The following IPPK variants were observed in gnomAD, a reference collection of about 807,000 sequenced individuals.
IPPK encodes inositol-pentakisphosphate 2-kinase, also known as IPK1 homolog.
A neutral mutation model predicts 64.6 loss-of-function variants in IPPK; 22 were observed. The ratio of observed to expected loss-of-function variants is 0.34; its 90% confidence interval spans 0.24 to 0.49. The LOEUF is 0.49. IPPK is among the 20% of genes least tolerant of loss of function. IPPK has a pLI of 0.99. For synonymous variants in IPPK, 262 were observed against 247.2 expected (o/e 1.06, Z -0.56); for missense variants, 532 against 630.7 (o/e 0.84, Z 1.68).
chr9:92,626,457 G>T (rs1851735582), intron 11 of IPPK, among the ~76,000 whole-genome samples: 1 of 152,212 alleles, frequency 6.6e-6, no homozygotes, highest in South Asian at 2.1e-4. Context: ...TGGCAGATTA[G>T]ACACAGCTGA....
chr9:92,657,030 G>T (rs1852386605), intron 2 of IPPK, among the ~76,000 whole-genome samples: 1 of 152,146 alleles, frequency 6.6e-6, no homozygotes, highest in East Asian at 1.9e-4. Context: ...CAATGGCCCA[G>T]TACAGCTGTG....
chr9:92,619,657 G>T, intron 11 of IPPK, 92 bp from the exon 12 acceptor site: 1 of 1,134,824 alleles, frequency 8.8e-7, no homozygotes. Flanking sequence ...TGTGGGAACT[G>T]CTTCCTGCCT....
At chr9:92,665,843 G>T (rs182931619) in intron 1 of IPPK, among the ~76,000 whole-genome samples, 2 of 152,062 alleles carry the variant, frequency 1.3e-5, no homozygotes, top group Non-Finnish European at 2.9e-5. Flanking sequence ...TATGATCTAT[G>T]AACCAGAAAT....
In IPPK at chr9:92,638,250, C is replaced by A. The variant is rs1851982545; in HGVS notation, c.667G>T (p.Ala223Ser). The change falls in exon 9 of 13, where the codon GCC becomes TCC. Residue 223 changes from alanine (A) to serine (S), a missense_variant. Physicochemically the swap from Ala to Ser is moderately conservative, Grantham distance 99. Coordinates refer to ENST00000287996, the MANE Select transcript of IPPK (RefSeq NM_022755.6). ...CTCCAGTCAGCCACGGGGCTCCGGGCATCTTTGCAGCCGTAAATCAGCTCA... is the reference window on the plus strand; with the variant it reads ...CTCCAGTCAGCCACGGGGCTCCGGGAATCTTTGCAGCCGTAAATCAGCTCA... ...NGELIYGCKD[A>S]RSPVADWSEL... 1.9e-6 allele frequency: 3 copies of A among 1,614,014 alleles called. No homozygotes were observed. In the African/African-American group the frequency reaches 4.0e-5, roughly 22 times the overall value.
Position 92,635,202 on chromosome 9 carries a change from C to T in IPPK, c.1023G>A (p.Leu341=), listed in dbSNP as rs139819180. ...CCAGGTATCGCTCAACCCGGTTGTA[C>T]AGAGGGTAGAGGCCTTCGATGTCCA... is the stretch of plus-strand genomic sequence containing the variant. ...DLLDIEGLYP[L]YNRVERYLEE... The change falls in exon 10 of 13, where the codon CTG becomes CTA. Residue 341 remains leucine (L), a synonymous_variant. Transcript: ENST00000287996. The surrounding 1 kb of genome is among the most constrained non-coding windows in gnomAD (Gnocchi z 4.4). The T allele has an allele frequency of 6.2e-6, 10 of 1,614,002 alleles. No homozygotes were observed. Among genetic ancestry groups the T allele is most frequent in the Non-Finnish European group, 8.5e-6 (10 of 1,179,910 alleles).
rs530858542 is a variant in IPPK, at chr9:92,613,724, G to A, written c.*2108C>T. 8.3e-5 allele frequency: 13 copies of A among 157,560 alleles called. No homozygotes were observed. In the South Asian group the frequency reaches 2.4e-3, roughly 29 times the overall value. The allele number at this position is 157,560 out of a possible 1,614,324, so 9.8% of individuals were successfully genotyped here. A position where few individuals can be genotyped will look rare whatever the true frequency, so the allele number is the denominator to read the frequency against. On this transcript the variant is annotated 3_prime_UTR_variant, in exon 13 of 13. Coordinates refer to ENST00000287996, the MANE Select transcript of IPPK (RefSeq NM_022755.6). ...AGTGAAGCTGTCAGCTTAATAACAAGAATGGCCTAAGACAGCAAAGACAGC... is the reference window on the plus strand; with the variant it reads ...AGTGAAGCTGTCAGCTTAATAACAAAAATGGCCTAAGACAGCAAAGACAGC...
chr9:92,655,559 C>T (rs993582700), intron 3 of IPPK, among the ~76,000 whole-genome samples: 4 of 152,136 alleles, frequency 2.6e-5, no homozygotes, highest in African/African-American at 7.2e-5. Flanking sequence ...CAGTCCCTAA[C>T]GCTCACCCCA....
In IPPK at chr9:92,613,295, C is replaced by T. The variant is rs1851328440; in HGVS notation, c.*2537G>A. 2 of 832,644 alleles carry T rather than the reference C, an allele frequency of 2.4e-6. No individual in the cohort carries two copies. Among genetic ancestry groups the T allele is most frequent in the Non-Finnish European group, 3.7e-6 (2 of 534,220 alleles). The allele number at this position is 832,644 out of a possible 1,614,324, so 51.6% of individuals were successfully genotyped here. On this transcript the variant is annotated 3_prime_UTR_variant, in exon 13 of 13. Transcript: ENST00000287996. Reference sequence around the variant, plus strand: ...AGTTATGGCACATTATATGGAAACTCTCATGACATGAAAAATAAATACAAC... The same window carrying T: ...AGTTATGGCACATTATATGGAAACTTTCATGACATGAAAAATAAATACAAC...
intron 11 of IPPK, among the ~76,000 whole-genome samples, chr9:92,622,028 A>AC (rs1426015871): frequency 1.3e-5 from 2 of 152,236 alleles, no homozygotes; most frequent in Non-Finnish European, 2.9e-5. Flanking sequence ...AGAACACATC[A>AC]CAACAAATTG....
chr9:92,626,550 T>C (rs947553761), intron 11 of IPPK, among the ~76,000 whole-genome samples: 8 of 152,010 alleles, frequency 5.3e-5, no homozygotes, highest in African/African-American at 1.9e-4. Context: ...ATGAAAAATA[T>C]GAAAGAGCAG....
In IPPK at chr9:92,615,626, G is replaced by A; in HGVS notation, c.*206C>T. On this transcript the variant is annotated 3_prime_UTR_variant, in exon 13 of 13. Transcript: ENST00000287996. ...TTTTAAGAGTGTGAGCAGCTTCCTGGGACACAGCACTCACTTCCTACATTC... is the reference window on the plus strand; with the variant it reads ...TTTTAAGAGTGTGAGCAGCTTCCTGAGACACAGCACTCACTTCCTACATTC... 3.6e-6 allele frequency: 2 copies of A among 552,452 alleles called. No homozygotes were observed. Among genetic ancestry groups the A allele is most frequent in the South Asian group, 4.1e-5 (2 of 48,628 alleles). The allele number at this position is 552,452 out of a possible 1,614,324, so 34.2% of individuals were successfully genotyped here. A position where few individuals can be genotyped will look rare whatever the true frequency, so the allele number is the denominator to read the frequency against.
chr9:92,622,724 T>C (rs1564027765), intron 11 of IPPK, among the ~76,000 whole-genome samples: 2 of 152,154 alleles, frequency 1.3e-5, no homozygotes, highest in Non-Finnish European at 2.9e-5. Context: ...TTTTTTTAGT[T>C]TTTAATTTTT....
At chr9:92,652,467 A>AAT in intron 4 of IPPK, 106 bp downstream of exon 4, 1 of 514,808 alleles carries the variant, frequency 1.9e-6, no homozygotes, top group East Asian at 3.3e-5. Context: ...AAAAAAAAAA[A>AAT]GGATTACTGA....
chr9:92,649,339 G>T, intron 5 of IPPK, 114 bp downstream of exon 5: 2 of 1,231,240 alleles, frequency 1.6e-6, no homozygotes, highest in Admixed American at 2.0e-5. Context: ...GGAGCCAAGG[G>T]TGCCTACCAC....
At position 92,635,553 on chromosome 9, in the gene IPPK, G is replaced by A. The variant is rs1308908560; in HGVS notation, c.917-245C>T. On this transcript the variant is annotated intron_variant, in intron 9 of 12. Transcript: ENST00000287996. This position sits in a 1 kb window ranked among gnomAD's most constrained non-coding sequence, Gnocchi z 4.4. ...CACCAGGCCAAGCACAAAGGAGGGA[G>A]CAAGAAATGCACATGTCCTGCCTCG... 6.6e-6 allele frequency among the ~76,000 whole-genome samples: 1 copy of A among 152,188 alleles called. No homozygotes were observed. Among genetic ancestry groups the A allele is most frequent in the Non-Finnish European group, 1.5e-5 (1 of 68,030 alleles).
At chr9:92,625,599 A>G (rs1451980472) in intron 11 of IPPK, among the ~76,000 whole-genome samples, 1 of 152,196 alleles carries the variant, frequency 6.6e-6, no homozygotes, top group African/African-American at 2.4e-5. Flanking sequence ...TGCATAAGGT[A>G]AGGAAAATCC....
At chr9:92,656,422 C>T in intron 3 of IPPK, 34 bp downstream of exon 3, 1 of 1,409,756 alleles carries the variant, frequency 7.1e-7, no homozygotes, top group Non-Finnish European at 1.0e-6. Context: ...GCAAAACATG[C>T]CCAAGAATTC....
chr9:92,641,789 G>A (rs1852052081), intron 7 of IPPK, among the ~76,000 whole-genome samples: 1 of 152,174 alleles, frequency 6.6e-6, no homozygotes, highest in African/African-American at 2.4e-5. Context: ...CAAAGGCAGG[G>A]GCACGAAATG....
chr9:92,624,524 T>G (rs1239557058), intron 11 of IPPK, among the ~76,000 whole-genome samples: 4 of 151,150 alleles, frequency 2.6e-5, no homozygotes, highest in Non-Finnish European at 5.9e-5. Context: ...CAGCTACCTG[T>G]GAGGCTGAGG....
Sources: allele counts gnomAD v4.1 joint callset (sites outside exome capture counted in the v4.1 genomes callset), GRCh38; gene constraint gnomAD v4.1.1; non-coding constraint Gnocchi (gnomAD v3.1); transcripts MANE v1.5; gene names NCBI Gene and HGNC (gene_info 2026-07-23, HGNC 2026-07-21).